Variants in FHOD3 observed in about 807,000 individuals in gnomAD.
FHOD3 encodes FH1/FH2 domain-containing protein 3.
In FHOD3, 90 loss-of-function variants were observed where a neutral mutation model predicts 173.0. The ratio of observed to expected loss-of-function variants is 0.52; its 90% confidence interval spans 0.44 to 0.62. FHOD3 has a LOEUF of 0.62. Among genes scored for constraint, FHOD3 ranks in the 20% least tolerant of loss-of-function variants. The pLI is 0.00. For synonymous variants in FHOD3, 828 were observed against 823.0 expected (o/e 1.01, Z -0.10); for missense variants, 1,945 against 2,034.7 (o/e 0.96, Z 0.85).
intron 19 of FHOD3, among the ~76,000 whole-genome samples, chr18:36,729,552 G>T (rs549623168): frequency 1.3e-5 from 2 of 152,328 alleles, no homozygotes; most frequent in East Asian, 1.9e-4. Flanking sequence ...TGGCCAGTTA[G>T]GTTTCTAGTG....
chr18:36,317,288 G>A (rs1167023961), intron 1 of FHOD3, among the ~76,000 whole-genome samples: 1 of 152,140 alleles, frequency 6.6e-6, no homozygotes, highest in African/African-American at 2.4e-5. Flanking sequence ...AGATCCTTGA[G>A]GAATTGCCAC....
chr18:36,331,521 T>C (rs1311714231), intron 1 of FHOD3, among the ~76,000 whole-genome samples: 1 of 152,232 alleles, frequency 6.6e-6, no homozygotes, highest in Non-Finnish European at 1.5e-5. Flanking sequence ...CACACAGTGA[T>C]CTAAACAGGG....
chr18:36,465,078 A>C lies in FHOD3; in HGVS notation c.338-36854A>C, dbSNP rs188279083. ...CGCTGTGGCTCACGCCTGTAATCCCAGCACTTTGGGAGGCTGAGGAGGGCG... is the reference window on the plus strand; with the variant it reads ...CGCTGTGGCTCACGCCTGTAATCCCCGCACTTTGGGAGGCTGAGGAGGGCG... On this transcript the variant is annotated intron_variant, in intron 3 of 28. Coordinates refer to ENST00000590592, the MANE Select transcript of FHOD3 (RefSeq NM_001281740.3). Among the ~76,000 whole-genome samples the C allele has an allele frequency of 3.4e-3, 517 of 152,360 alleles. 2 individuals carry two copies. The highest frequency in any genetic ancestry group is 5.7e-3 in the Non-Finnish European group (391 of 68,044).
chr18:36,462,488 C>A (rs981342550), intron 3 of FHOD3, among the ~76,000 whole-genome samples: 10 of 152,054 alleles, frequency 6.6e-5, no homozygotes, highest in Admixed American at 4.6e-4. Context: ...CCTGCCACCA[C>A]GCCCAGCTAA....
chr18:36,573,915 A>G (rs1192548280), intron 5 of FHOD3, among the ~76,000 whole-genome samples: 1 of 152,166 alleles, frequency 6.6e-6, no homozygotes, highest in Non-Finnish European at 1.5e-5. Flanking sequence ...TGACTGGGAA[A>G]GGGCTTGAAG....
chr18:36,408,699 A>G (rs2049191276), intron 3 of FHOD3, among the ~76,000 whole-genome samples: 1 of 152,142 alleles, frequency 6.6e-6, no homozygotes, highest in Non-Finnish European at 1.5e-5. Context: ...AGGAGTTGGC[A>G]GGAAGGAGCC....
intron 27 of FHOD3, among the ~76,000 whole-genome samples, chr18:36,769,014 T>C (rs925960174): frequency 6.6e-6 from 1 of 151,956 alleles, no homozygotes; most frequent in Non-Finnish European, 1.5e-5. Context: ...TGTTACAGGG[T>C]GATATGAAAT....
rs564978831 is a variant in FHOD3 at position 36,505,019 on chromosome 18, C to G, written c.405+3020C>G. Reference sequence around the variant, plus strand: ...TCAGCTGTGATATATATTTTCCACACATGCCCAGATCCCTCCATGCAAGCA... The same window carrying G: ...TCAGCTGTGATATATATTTTCCACAGATGCCCAGATCCCTCCATGCAAGCA... On this transcript the variant is annotated intron_variant, in intron 4 of 28. Transcript: ENST00000590592. Among the ~76,000 whole-genome samples, 10 of 152,324 alleles carry G rather than the reference C, an allele frequency of 6.6e-5. No individual in the cohort carries two copies. The South Asian group carries it at 2.1e-3, about 32-fold the overall frequency.
intron 3 of FHOD3, among the ~76,000 whole-genome samples, chr18:36,416,326 C>A (rs1317038236): frequency 1.3e-5 from 2 of 152,212 alleles, no homozygotes; most frequent in African/African-American, 2.4e-5. Flanking sequence ...AGCCACCATG[C>A]CCACCCAGGT....
intron 3 of FHOD3, among the ~76,000 whole-genome samples, chr18:36,448,952 T>G (rs1235801190): frequency 1.3e-5 from 2 of 150,766 alleles, no homozygotes; most frequent in Non-Finnish European, 3.0e-5. Context: ...TACCCTTTCC[T>G]CCCCCTCCCT....
chr18:36,443,985 C>G (rs1372723650), intron 3 of FHOD3, among the ~76,000 whole-genome samples: 1 of 151,966 alleles, frequency 6.6e-6, no homozygotes, highest in Non-Finnish European at 1.5e-5. Flanking sequence ...GCAGGCAGAT[C>G]ACGAGGTCAG....
chr18:36,728,277 T>C (rs1568683340), intron 19 of FHOD3, among the ~76,000 whole-genome samples: 1 of 152,222 alleles, frequency 6.6e-6, no homozygotes, highest in Non-Finnish European at 1.5e-5. Flanking sequence ...CACCACAGTA[T>C]TGGCATTGCT....
chr18:36,561,663 T>C (rs555467109), intron 5 of FHOD3, among the ~76,000 whole-genome samples: 7 of 152,326 alleles, frequency 4.6e-5, no homozygotes, highest in African/African-American at 1.2e-4. Context: ...ATTTCTAAAA[T>C]GTTTTCATCA....
chr18:36,772,051 A>G (rs2043409655), intron 28 of FHOD3, among the ~76,000 whole-genome samples: 1 of 152,222 alleles, frequency 6.6e-6, no homozygotes, highest in Non-Finnish European at 1.5e-5. Flanking sequence ...ATCTGGCCAG[A>G]GAGATGTTTT....
intron 9 of FHOD3, among the ~76,000 whole-genome samples, chr18:36,624,348 C>T (rs1048488218): frequency 2.0e-5 from 3 of 152,322 alleles, no homozygotes; most frequent in South Asian, 2.1e-4. Context: ...TGACAGGGCA[C>T]ACCTGGTTCA....
At chr18:36,516,576 C>G (rs1026577987) in intron 5 of FHOD3, among the ~76,000 whole-genome samples, 2 of 152,126 alleles carry the variant, frequency 1.3e-5, no homozygotes, top group African/African-American at 2.4e-5. Context: ...TGGTCGCTAG[C>G]CAGGGCCTCA....
chr18:36,555,625 A>T (rs928232630), intron 5 of FHOD3, among the ~76,000 whole-genome samples: 5 of 152,072 alleles, frequency 3.3e-5, no homozygotes, highest in African/African-American at 1.2e-4. Flanking sequence ...TTACTGTGAG[A>T]TTATTGTTGA....
chr18:36,320,403 G>C (rs1056928317), intron 1 of FHOD3, among the ~76,000 whole-genome samples: 1 of 152,224 alleles, frequency 6.6e-6, no homozygotes, highest in African/African-American at 2.4e-5. Flanking sequence ...ATAAATTCCT[G>C]GACACATACA....
intron 6 of FHOD3, among the ~76,000 whole-genome samples, chr18:36,589,331 T>C (rs2059135693): frequency 6.6e-6 from 1 of 152,138 alleles, no homozygotes; most frequent in Non-Finnish European, 1.5e-5. Context: ...AGATTGTAAT[T>C]AAAGAAAATG....
Sources: allele counts gnomAD v4.1 joint callset (sites outside exome capture counted in the v4.1 genomes callset), GRCh38; gene constraint gnomAD v4.1.1; transcripts MANE v1.5; gene names NCBI Gene and HGNC (gene_info 2026-07-23, HGNC 2026-07-21).